Variants in N4BP2L1 observed in about 807,000 individuals in gnomAD.
N4BP2L1 encodes NEDD4-binding protein 2-like 1.
In N4BP2L1, 12 loss-of-function variants were observed where a neutral mutation model predicts 21.2. The observed-to-expected ratio is 0.57, with a 90% CI of 0.36 to 0.92. The LOEUF is 0.92. Among genes scored for constraint, N4BP2L1 ranks in the 40% least tolerant of loss-of-function variants. The pLI is 0.01. For synonymous variants in N4BP2L1, 104 were observed against 112.8 expected, an observed-to-expected ratio of 0.92 and a Z score of 0.49; for missense variants, 259 against 310.6, an observed-to-expected ratio of 0.83 and a Z score of 1.25.
Position 32,419,412 on chromosome 13 carries a change from A to ATTTTTTTTTTTTTTTTT in N4BP2L1, c.179+8475_179+8491dup, listed in dbSNP as rs71071039. 1.0e-3 allele frequency: 294 copies of ATTTTTTTTTTTTTTTTT among 284,708 alleles called. 15 individuals are homozygous for ATTTTTTTTTTTTTTTTT. The highest frequency in any genetic ancestry group is 1.4e-3 in the Non-Finnish European group (216 of 158,724). 17.6% of individuals were successfully genotyped at this position (284,708 alleles called of 1,614,324 possible). On this transcript the variant is annotated intron_variant, in intron 1 of 4. Coordinates refer to ENST00000380130, the MANE Select transcript of N4BP2L1 (RefSeq NM_052818.3). ...GGGTGCTTGCCACCATGCTTGGCTA[A>ATTTTTTTTTTTTTTTTT]TTTTTTTTTTTTTTTTTTTTTTTTT...
In N4BP2L1 at chr13:32,401,935, C is replaced by T. The variant is rs543566410; in HGVS notation, c.*1007G>A. 21 of 985,534 alleles carry T rather than the reference C, an allele frequency of 2.1e-5. No homozygotes were observed. The highest frequency in any genetic ancestry group is 2.0e-5 in the Non-Finnish European group (17 of 829,822). 61.0% of individuals were successfully genotyped at this position (985,534 alleles called of 1,614,324 possible). On this transcript the variant is annotated 3_prime_UTR_variant, in exon 5 of 5. Transcript: ENST00000380130. The stretch of plus-strand genomic sequence containing the variant: ...AATTAATTTGGATTCATAAATTCAG[C>T]ATCAGTATAAGAAGACATTCCAGAG...
intron 1 of N4BP2L1, among the ~76,000 whole-genome samples, chr13:32,412,804 C>T (rs1304094449): frequency 6.6e-6 from 1 of 152,172 alleles, no homozygotes; most frequent in Non-Finnish European, 1.5e-5. Flanking sequence ...GTCCTTCACA[C>T]ATCTGGTGGG....
At chr13:32,407,180 AAAG>A in intron 3 of N4BP2L1, 67 bp downstream of exon 3, 1 of 1,442,970 alleles carries the variant, frequency 6.9e-7, no homozygotes, top group East Asian at 2.3e-5. Context: ...GAAAAAGAGG[AAAG>A]AACAGATGCT....
At chr13:32,427,569 G>A (rs1049310831) in intron 1 of N4BP2L1, among the ~76,000 whole-genome samples, 8 of 152,214 alleles carry the variant, frequency 5.3e-5, no homozygotes, top group Non-Finnish European at 1.0e-4. Flanking sequence ...CGGCGGGGAA[G>A]GGGCCGGGGC....
rs2073128063 is a variant in N4BP2L1 at position 32,401,510 on chromosome 13, CAG to C, written c.*1430_*1431del. ...GATGTCGAGCAGGTTTCAGTAGTGT[CAG>C]ATAACGTTAAAACAGTCTCATGTAC... On this transcript the variant is annotated 3_prime_UTR_variant, in exon 5 of 5. Coordinates refer to ENST00000380130, the MANE Select transcript of N4BP2L1 (RefSeq NM_052818.3). 1 of 152,116 alleles carries C rather than the reference CAG, an allele frequency of 6.6e-6. No individual in the cohort carries two copies. Among genetic ancestry groups the C allele is most frequent in the Non-Finnish European group, 1.5e-5 (1 of 68,020 alleles). The allele number at this position is 152,116 out of a possible 1,614,324, so 9.4% of individuals were successfully genotyped here. A position where few individuals can be genotyped will look rare whatever the true frequency, so the allele number is the denominator to read the frequency against.
chr13:32,427,757 T>G lies in N4BP2L1; in HGVS notation c.179+147A>C, dbSNP rs1410279717. The G allele has an allele frequency of 2.3e-5, 8 of 342,022 alleles. No individual in the cohort carries two copies. In the East Asian group the frequency reaches 7.2e-4, roughly 31 times the overall value. The allele number at this position is 342,022 out of a possible 1,614,324, so 21.2% of individuals were successfully genotyped here. A position where few individuals can be genotyped will look rare whatever the true frequency, so the allele number is the denominator to read the frequency against. ...CTCCCCGCGCTGCCAGGCTCAGGCT[T>G]GGGCTGGGGCTGGGGCCGGGGCCGC... On this transcript the variant is annotated intron_variant, in intron 1 of 4. Coordinates refer to ENST00000380130, the MANE Select transcript of N4BP2L1 (RefSeq NM_052818.3).
chr13:32,408,798 C>A (rs1032733883), intron 1 of N4BP2L1, among the ~76,000 whole-genome samples: 2 of 152,218 alleles, frequency 1.3e-5, no homozygotes, highest in Admixed American at 6.5e-5. Context: ...CAAAGCTATT[C>A]AATGTCTTTT....
rs1398814468 is a variant in N4BP2L1 at position 32,402,769 on chromosome 13, A to G, written c.*173T>C. The G allele has an allele frequency of 7.1e-7, 1 of 1,398,810 alleles. No homozygotes were observed. The highest frequency in any genetic ancestry group is 2.6e-5 in the East Asian group (1 of 38,820). 86.6% of individuals were successfully genotyped at this position (1,398,810 alleles called of 1,614,324 possible). On this transcript the variant is annotated 3_prime_UTR_variant, in exon 5 of 5. Transcript: ENST00000380130. ...TCCCAGCATCAGACCATGCATATAGAAGCACTTTAACAAATTTTGGTGAAG... is the reference window on the plus strand; with the variant it reads ...TCCCAGCATCAGACCATGCATATAGGAGCACTTTAACAAATTTTGGTGAAG...
At chr13:32,419,633 T>G (rs990605664) in intron 1 of N4BP2L1, among the ~76,000 whole-genome samples, 1 of 152,030 alleles carries the variant, frequency 6.6e-6, no homozygotes, top group African/African-American at 2.4e-5. Flanking sequence ...CCTGCCGCCA[T>G]GTGAAGAAGG....
At chr13:32,428,287 C>G, upstream of N4BP2L1, 2 of 416,652 alleles carry the variant, frequency 4.8e-6, no homozygotes, top group Non-Finnish European at 8.3e-6. Flanking sequence ...CTGGGAGACT[C>G]ACAGCCCGGA....
At chr13:32,404,441 A>G in intron 3 of N4BP2L1, 44 bp from the exon 4 acceptor site, 1 of 1,332,858 alleles carries the variant, frequency 7.5e-7, no homozygotes, top group Non-Finnish European at 1.1e-6. Flanking sequence ...CATAGTATGT[A>G]TGTTTGGGAA....
chr13:32,428,445 C>A (rs2074917636), upstream of N4BP2L1: 1 of 182,360 alleles, frequency 5.5e-6, no homozygotes, highest in African/African-American at 2.3e-5. Flanking sequence ...CCACAGCCCT[C>A]CCCAACCCCA....
At chr13:32,409,075 A>G (rs936576704) in intron 1 of N4BP2L1, among the ~76,000 whole-genome samples, 1 of 152,256 alleles carries the variant, frequency 6.6e-6, no homozygotes, top group African/African-American at 2.4e-5. Context: ...AATAACAATG[A>G]GGCCAAATTG....
chr13:32,408,262 C>A (rs908589505), intron 1 of N4BP2L1, among the ~76,000 whole-genome samples: 4 of 152,122 alleles, frequency 2.6e-5, no homozygotes, highest in African/African-American at 9.7e-5. Flanking sequence ...CTGTAAGGAC[C>A]CATCTGAGAA....
intron 1 of N4BP2L1, among the ~76,000 whole-genome samples, chr13:32,413,408 G>A (rs1367289019): frequency 6.6e-6 from 1 of 152,180 alleles, no homozygotes; most frequent in Non-Finnish European, 1.5e-5. Flanking sequence ...CTGGGTTTGT[G>A]TGGTTGTTTC....
At chr13:32,419,553 T>C (rs1137786) in intron 1 of N4BP2L1, 70 of 283,260 alleles carry the variant, frequency 2.5e-4, no homozygotes, top group African/African-American at 1.4e-3. Flanking sequence ...ATTACAGGCA[T>C]AAGCCACTGC....
At chr13:32,413,569 A>T (rs1054856382) in intron 1 of N4BP2L1, among the ~76,000 whole-genome samples, 1 of 151,912 alleles carries the variant, frequency 6.6e-6, no homozygotes, top group South Asian at 2.1e-4. Flanking sequence ...TGTTAGCCAG[A>T]CCTCTCCACT....
In N4BP2L1 at chr13:32,404,380, A is replaced by G. The variant is rs2073343970; in HGVS notation, c.414T>C (p.Tyr138=). The part of the protein sequence containing the change: ...PYAVMALENN[Y]EVIFREPDTR... ...TGTCAGGTTCTCGGAATATAACTTCATAGTTATTTTCAAGTGCCTGATTTT... is the reference window on the plus strand; with the variant it reads ...TGTCAGGTTCTCGGAATATAACTTCGTAGTTATTTTCAAGTGCCTGATTTT... The change falls in exon 4 of 5, where the codon TAT becomes TAC. Residue 138 remains tyrosine, a synonymous_variant. Transcript: ENST00000380130. The G allele has an allele frequency of 3.7e-6, 6 of 1,612,274 alleles. No homozygotes were observed. Among genetic ancestry groups the G allele is most frequent in the Non-Finnish European group, 5.1e-6 (6 of 1,179,094 alleles).
At chr13:32,411,795 T>G in intron 1 of N4BP2L1, 3 of 974,108 alleles carry the variant, frequency 3.1e-6, no homozygotes, top group Non-Finnish European at 3.7e-6. Flanking sequence ...ACCATAGAGA[T>G]ATATTTAGAT....
Sources: allele counts gnomAD v4.1 joint callset (sites outside exome capture counted in the v4.1 genomes callset), GRCh38; gene constraint gnomAD v4.1.1; transcripts MANE v1.5; gene names NCBI Gene and HGNC (gene_info 2026-07-23, HGNC 2026-07-21).